PARP16: variants seen among roughly 807,000 people sequenced by gnomAD.
PARP16 encodes poly(ADP-ribose) polymerase family member 16, also known as protein mono-ADP-ribosyltransferase PARP16.
A neutral mutation model predicts 35.0 loss-of-function variants in PARP16; 31 were observed. The ratio of observed to expected loss-of-function variants is 0.88; its 90% CI spans 0.66 to 1.19. The LOEUF is 1.19. Among genes scored for constraint, PARP16 ranks in the 50% most tolerant of loss-of-function variants. PARP16 has a pLI of 0.00. For missense variants in PARP16, 424 were observed against 411.2 expected (o/e 1.03, Z -0.27); for synonymous variants, 162 against 169.5 (o/e 0.96, Z 0.34).
rs1596008608 is a variant in PARP16, at chr15:65,259,168, G to A, written c.*239C>T. ...CAACTCCCTAGGACAGTTTAAGAAG[G>A]AGCAGATGGAAGGACTCCCCTAAAA... is the stretch of plus-strand genomic sequence containing the variant. On this transcript the variant is annotated 3_prime_UTR_variant, in exon 6 of 6. Transcript: ENST00000649807. 5.9e-6 allele frequency: 3 copies of A among 504,598 alleles called. No homozygotes were observed. The highest frequency in any genetic ancestry group is 1.1e-5 in the Non-Finnish European group (3 of 280,074). 31.3% of individuals were successfully genotyped at this position (504,598 alleles called of 1,614,324 possible). A position where few individuals can be genotyped will look rare whatever the true frequency, so the allele number is the denominator to read the frequency against.
At chr15:65,238,069 T>G (rs1284915781) in intron 3 of PARP16, among the ~76,000 whole-genome samples, 2 of 152,200 alleles carry the variant, frequency 1.3e-5, no homozygotes, top group Non-Finnish European at 2.9e-5. Context: ...GTGGATCACC[T>G]GAGGTCCGGA....
chr15:65,283,605 C>T (rs1234318759), intron 1 of PARP16, among the ~76,000 whole-genome samples: 1 of 152,168 alleles, frequency 6.6e-6, no homozygotes, highest in Non-Finnish European at 1.5e-5. Flanking sequence ...TGAAGTTCTG[C>T]CTTGGGACTT....
chr15:65,232,605 T>A (rs2088791083), downstream of PARP16, among the ~76,000 whole-genome samples: 1 of 152,128 alleles, frequency 6.6e-6, no homozygotes, highest in African/African-American at 2.4e-5. Flanking sequence ...TTTACTGAGT[T>A]AAAAATTACT....
chr15:65,244,493 G>A (rs1458818311), intron 3 of PARP16, among the ~76,000 whole-genome samples: 1 of 152,120 alleles, frequency 6.6e-6, no homozygotes, highest in Non-Finnish European at 1.5e-5. Flanking sequence ...AAAACCATCA[G>A]ATCTCGTGAG....
At chr15:65,247,525 A>C (rs764388046) in intron 3 of PARP16, among the ~76,000 whole-genome samples, 11 of 152,144 alleles carry the variant, frequency 7.2e-5, no homozygotes, top group Non-Finnish European at 1.3e-4. Context: ...AGGCCTATAC[A>C]ATTAATGATG....
At chr15:65,264,591 ATC>A (rs2089833926) in intron 3 of PARP16, among the ~76,000 whole-genome samples, 1 of 152,202 alleles carries the variant, frequency 6.6e-6, no homozygotes. Context: ...CAGGGTCTCC[ATC>A]TCTCAAAAGC....
intron 1 of PARP16, among the ~76,000 whole-genome samples, chr15:65,284,959 A>T (rs1193422058): frequency 6.6e-6 from 1 of 151,780 alleles, no homozygotes; most frequent in East Asian, 1.9e-4. Context: ...CTGGGACTAC[A>T]GGCGTGCATC....
At chr15:65,269,465 G>T (rs1015060029) in intron 2 of PARP16, among the ~76,000 whole-genome samples, 4 of 152,094 alleles carry the variant, frequency 2.6e-5, no homozygotes, top group Admixed American at 6.5e-5. Flanking sequence ...CAAAGTGCTG[G>T]GATTACAGGC....
downstream of PARP16, among the ~76,000 whole-genome samples, chr15:65,257,111 T>C (rs1346864465): frequency 3.3e-5 from 5 of 151,900 alleles, no homozygotes; most frequent in African/African-American, 7.3e-5. Context: ...GGCAAAACCC[T>C]GTCTCTACTA....
At chr15:65,286,060 G>A (rs542806196) in intron 1 of PARP16, among the ~76,000 whole-genome samples, 193 bp downstream of exon 1, 2 of 152,212 alleles carry the variant, frequency 1.3e-5, no homozygotes, top group Non-Finnish European at 2.9e-5. Context: ...TTGGGAGTGA[G>A]CGTTGACATG....
intron 1 of PARP16, among the ~76,000 whole-genome samples, chr15:65,280,237 G>T (rs1258726439): frequency 6.6e-6 from 1 of 151,960 alleles, no homozygotes; most frequent in Non-Finnish European, 1.5e-5. Flanking sequence ...AGGAGTTTGA[G>T]ACCAGCCTGG....
At chr15:65,250,741 G>A (rs35167045) in intron 2 of PARP16, among the ~76,000 whole-genome samples, 5,801 of 152,216 alleles carry the variant, frequency 0.038, 165 homozygotes, top group Non-Finnish European at 0.054. Context: ...TGCTGCTTCC[G>A]GACTTTGATG....
chr15:65,236,151 G>T (rs544147161), intron 3 of PARP16, among the ~76,000 whole-genome samples: 1 of 152,206 alleles, frequency 6.6e-6, no homozygotes, highest in South Asian at 2.1e-4. Context: ...GAGCCACTGT[G>T]CCCAGCCCTG....
At chr15:65,240,433 A>G (rs557628429) in intron 3 of PARP16, among the ~76,000 whole-genome samples, 106 of 151,896 alleles carry the variant, frequency 7.0e-4, no homozygotes, top group African/African-American at 2.4e-3. Context: ...CATGTTGCCC[A>G]GGCTGGTCTC....
At chr15:65,253,918 A>G (rs1343717085), downstream of PARP16, among the ~76,000 whole-genome samples, 1 of 151,560 alleles carries the variant, frequency 6.6e-6, no homozygotes, top group Non-Finnish European at 1.5e-5. Context: ...CCCAGGTTCA[A>G]CCGATTCTCC....
chr15:65,250,934 C>A (rs2089342817), intron 2 of PARP16, among the ~76,000 whole-genome samples: 1 of 152,158 alleles, frequency 6.6e-6, no homozygotes, highest in South Asian at 2.1e-4. Flanking sequence ...GTGGTGCGAT[C>A]TTGGCTCACT....
intron 3 of PARP16, 54 bp downstream of exon 3, chr15:65,266,508 C>T: frequency 6.8e-7 from 1 of 1,470,732 alleles, no homozygotes; most frequent in Non-Finnish European, 9.5e-7. Flanking sequence ...CCTCCCCACT[C>T]TCCCACCTCC....
At chr15:65,263,061 T>G in intron 4 of PARP16, 88 bp downstream of exon 4, 2 of 1,253,492 alleles carry the variant, frequency 1.6e-6, no homozygotes, top group Non-Finnish European at 2.3e-6. Flanking sequence ...GGGCATGCAA[T>G]GGGTGCTCTA....
rs111425353 is a variant in PARP16 at position 65,247,949 on chromosome 15, C to G, written c.*97+168G>C. Among the ~76,000 whole-genome samples the G allele has an allele frequency of 9.3e-3, 1,419 of 152,018 alleles. 21 individuals are homozygous for G. The highest frequency in any genetic ancestry group is 0.033 in the African/African-American group (1,361 of 41,474). ...CCTCCTGAGTAGCTGGGACTACAGG[C>G]GTCCGCCACCACGCCCGGCTAATTT... On this transcript the variant is annotated intron_variant and NMD_transcript_variant, in intron 3 of 3. Transcript: ENST00000559805.
Sources: gnomAD v4.1 joint callset for allele counts (sites outside exome capture counted in the v4.1 genomes callset) on GRCh38, gnomAD v4.1.1 for gene constraint, MANE v1.5 for transcripts, NCBI Gene and HGNC (gene_info 2026-07-23, HGNC 2026-07-21) for gene names.